The following XKRX variants were observed in gnomAD, a reference collection of about 807,000 sequenced individuals.
XKRX encodes the protein XK-related protein 2.
A neutral mutation model predicts 22.4 loss-of-function variants in XKRX; 11 were observed. That is an observed-to-expected ratio of 0.49 (90% CI 0.31 to 0.81). The LOEUF is 0.81. XKRX is among the 40% of genes least tolerant of loss of function. The pLI, the probability that XKRX is intolerant of heterozygous loss-of-function variation, is 0.05. For missense variants in XKRX, 320 were observed against 336.5 expected (o/e 0.95, Z 0.38); for synonymous variants, 114 against 132.2 (o/e 0.86, Z 0.94).
At chrX:100,909,271 CGTT>C (rs1569453316), downstream of XKRX, among the ~76,000 whole-genome samples, 2 of 112,144 alleles carry the variant, frequency 1.8e-5, no homozygotes, top group Non-Finnish European at 3.8e-5. Flanking sequence ...TCATCCCAGG[CGTT>C]TTAGGACTTC....
At chrX:100,918,154 G>C in intron 2 of XKRX, among the ~76,000 whole-genome samples, 1 of 112,236 alleles carries the variant, frequency 8.9e-6, no homozygotes, top group Non-Finnish European at 1.9e-5. Context: ...ACTTGATGTA[G>C]GGAAAAGGTG....
At chrX:100,944,848 T>C in the XKRX span, among the ~76,000 whole-genome samples, 1 of 111,403 alleles carries the variant, frequency 9.0e-6, no homozygotes, top group Non-Finnish European at 1.9e-5. Flanking sequence ...TCCTGGCATC[T>C]CTCACCAAGT....
At position 100,917,674 on chromosome X, in the gene XKRX, A is replaced by AAAGAAAGAAAAGAAAGAAAGAAAG. The variant is rs34196882; in HGVS notation, c.605-2592_605-2591insCTTTCTTTCTTTCTTTTCTTTCTT. Among the ~76,000 whole-genome samples the AAAGAAAGAAAAGAAAGAAAGAAAG allele has an allele frequency of 3.5e-4, 9 of 25,395 alleles. 1 individual carries two copies. Among genetic ancestry groups the AAAGAAAGAAAAGAAAGAAAGAAAG allele is most frequent in the African/African-American group, 5.3e-4 (3 of 5,638 alleles). 22.1% of individuals were successfully genotyped at this position (25,395 alleles called of 115,157 possible). A position where few individuals can be genotyped will look rare whatever the true frequency, so the allele number is the denominator to read the frequency against. ...GAAAGAAAGAAAGAAAGAAAGAAAGAAAAGAAAGAAAGAAAGAAAGAAAGA... is the reference window on the plus strand; with the variant it reads ...GAAAGAAAGAAAGAAAGAAAGAAAGAAAGAAAGAAAAGAAAGAAAGAAAGAAAGAAAGAAAGAAAGAAAGAAAGA... On this transcript the variant is annotated intron_variant, in intron 2 of 2. Transcript: ENST00000372956.
the XKRX span, among the ~76,000 whole-genome samples, chrX:100,897,690 CAA>C: frequency 3.1e-4 from 4 of 12,958 alleles, no homozygotes; most frequent in African/African-American, 4.8e-4. Context: ...AACTCAACAG[CAA>C]AAAAAAAAAA....
chrX:100,941,561 T>A, the XKRX span, among the ~76,000 whole-genome samples: 1 of 110,759 alleles, frequency 9.0e-6, no homozygotes, highest in African/African-American at 3.3e-5. Flanking sequence ...AAAAAAAAAA[T>A]TAAAATTTCA....
At chrX:100,946,365 T>C in the XKRX span, among the ~76,000 whole-genome samples, 15 of 111,879 alleles carry the variant, frequency 1.3e-4, no homozygotes, top group African/African-American at 4.5e-4. Flanking sequence ...GAGAGACAGA[T>C]TGAATCACAT....
the XKRX span, among the ~76,000 whole-genome samples, chrX:100,906,806 A>G: frequency 1.8e-5 from 2 of 111,534 alleles, no homozygotes; most frequent in South Asian, 7.7e-4. Flanking sequence ...GAATATTTCC[A>G]TGCTTTTTCC....
At chrX:100,944,899 G>A in the XKRX span, among the ~76,000 whole-genome samples, 2 of 110,927 alleles carry the variant, frequency 1.8e-5, no homozygotes, top group Non-Finnish European at 3.8e-5. Flanking sequence ...TCTCAAAAAT[G>A]GCAGCACTGG....
the XKRX span, among the ~76,000 whole-genome samples, chrX:100,905,563 C>T: frequency 5.3e-5 from 6 of 112,374 alleles, no homozygotes; most frequent in East Asian, 1.4e-3. Context: ...TTCTCTCCCA[C>T]CTTCCCAAAC....
At chrX:100,888,376 C>T in the XKRX span, 37 of 772,553 alleles carry the variant, frequency 4.8e-5, no homozygotes, top group Non-Finnish European at 4.7e-5. Flanking sequence ...GCCTTGCATT[C>T]GTGGCTGCAT....
chrX:100,917,678 G>GAAAGAAAGA (rs1569454739), intron 2 of XKRX, among the ~76,000 whole-genome samples: 23 of 69,544 alleles, frequency 3.3e-4, no homozygotes, highest in African/African-American at 1.0e-3. Context: ...AGAAAGAAAA[G>GAAAGAAAGA]AAAGAAAGAA....
chrX:100,948,666 A>G, the XKRX span, among the ~76,000 whole-genome samples: 1 of 112,865 alleles, frequency 8.9e-6, no homozygotes, highest in Non-Finnish European at 1.9e-5. Context: ...ACATCAAAGG[A>G]AAATTTCCCC....
chrX:100,957,525 G>A, the XKRX span: 80 of 1,137,776 alleles, frequency 7.0e-5, no homozygotes, highest in Non-Finnish European at 8.6e-5. Flanking sequence ...GACAAACAGC[G>A]AAGCTGTTGG....
chrX:100,955,563 C>T, the XKRX span, among the ~76,000 whole-genome samples: 1 of 111,253 alleles, frequency 9.0e-6, no homozygotes, highest in Non-Finnish European at 1.9e-5. Context: ...ATCCCAGCTA[C>T]TCAGGAGGCT....
the XKRX span, chrX:100,957,443 C>A: frequency 4.2e-6 from 5 of 1,193,963 alleles, no homozygotes; most frequent in Non-Finnish European, 3.4e-6. Flanking sequence ...TAAATGAGGC[C>A]TCTCGCTCCC....
chrX:100,935,854 G>A, the XKRX span, among the ~76,000 whole-genome samples: 2 of 112,105 alleles, frequency 1.8e-5, no homozygotes, highest in Admixed American at 1.9e-4. Flanking sequence ...ACTGATGGCA[G>A]TTAGAGTGGT....
chrX:100,906,043 G>C, the XKRX span, among the ~76,000 whole-genome samples: 1 of 111,705 alleles, frequency 9.0e-6, no homozygotes, highest in Non-Finnish European at 1.9e-5. Context: ...TAACATAATT[G>C]ATTGTTTCAT....
At chrX:100,911,270 C>T (rs1432110160), downstream of XKRX, 4 of 1,079,177 alleles carry the variant, frequency 3.7e-6, no homozygotes, top group Middle Eastern at 4.9e-4. Context: ...ACATCCTGAA[C>T]TGAAAGCCAC....
intron 1 of XKRX, 60 bp downstream of exon 1, chrX:100,927,910 T>A (rs2085504698): frequency 1.8e-6 from 2 of 1,124,577 alleles, no homozygotes; most frequent in Non-Finnish European, 2.4e-6. Flanking sequence ...CTTTCATCTT[T>A]CTCTGCCCAA....
Sources: allele counts gnomAD v4.1 joint callset (sites outside exome capture counted in the v4.1 genomes callset), GRCh38; gene constraint gnomAD v4.1.1; transcripts MANE v1.5; gene names NCBI Gene and HGNC (gene_info 2026-07-23, HGNC 2026-07-21).